Variants in CAMTA1 observed in about 807,000 individuals in gnomAD.
CAMTA1 encodes calmodulin-binding transcription activator 1.
Under a neutral mutation model 170.9 loss-of-function variants are expected in CAMTA1, and 27 were observed. The observed-to-expected ratio is 0.16, with a 90% confidence interval of 0.12 to 0.22. The LOEUF (loss-of-function observed/expected upper bound fraction) is 0.22, where lower values mean the gene tolerates loss of function less well. Ranked by LOEUF, CAMTA1 falls within the 10% of genes least tolerant of loss-of-function variation. The pLI is 1.00. For missense variants in CAMTA1, 1,619 were observed against 2,217.2 expected, an observed-to-expected ratio of 0.73 and a Z score of 5.42; for synonymous variants, 833 against 891.5, an observed-to-expected ratio of 0.93 and a Z score of 1.17.
intron 5 of CAMTA1, among the ~76,000 whole-genome samples, chr1:7,437,493 T>C (rs761572116): frequency 7.2e-5 from 11 of 152,172 alleles, no homozygotes. Flanking sequence ...CTCCCTGCCG[T>C]GTAAGGACAC....
chr1:7,256,517 G>A (rs896899277), intron 5 of CAMTA1, among the ~76,000 whole-genome samples: 2 of 152,156 alleles, frequency 1.3e-5, no homozygotes, highest in African/African-American at 4.8e-5. Context: ...CTGAGATCGC[G>A]CCACTGCACT....
chr1:7,640,848 G>A (rs529648763), intron 7 of CAMTA1, among the ~76,000 whole-genome samples: 50 of 152,286 alleles, frequency 3.3e-4, no homozygotes, highest in Non-Finnish European at 6.9e-4. Context: ...GGCCAGGACC[G>A]GGTCTCCGGG....
In CAMTA1 at chr1:7,766,469, T is replaced by C. The variant is rs1340522382; in HGVS notation, c.5000T>C (p.Ile1667Thr). Residue 1667 changes from isoleucine to threonine, a missense_variant, in exon 23 of 23, where the codon ATT (isoleucine) becomes ACT (threonine). Around this residue, in one of 8 missense-constraint regions of CAMTA1, gnomAD observed 128 missense variants for 213.5 expected, o/e 0.60. Transcript: ENST00000303635. ...DHRLYKRSER[I>T]EKGQGT ...TTGTTTCTCTTCCAGAGTGAAAGAA[T>C]TGAAAAAGGCCAAGGAACTTGAAGA... The C allele has an allele frequency of 6.2e-7, 1 of 1,614,028 alleles. No individual in the cohort carries two copies. Among genetic ancestry groups the C allele is most frequent in the African/African-American group, 1.3e-5 (1 of 74,928 alleles).
intron 21 of CAMTA1, among the ~76,000 whole-genome samples, chr1:7,755,116 A>T (rs574965355): frequency 1.3e-5 from 2 of 152,208 alleles, no homozygotes; most frequent in South Asian, 4.1e-4. Flanking sequence ...ACTTGAGGTC[A>T]GGAGTTTGAG....
chr1:7,543,045 T>C (rs1215459839), intron 6 of CAMTA1, among the ~76,000 whole-genome samples: 1 of 152,104 alleles, frequency 6.6e-6, no homozygotes, highest in Non-Finnish European at 1.5e-5. Flanking sequence ...TTTTTGTATT[T>C]ATTAGTGGAG....
intron 3 of CAMTA1, among the ~76,000 whole-genome samples, chr1:7,004,812 G>C (rs974341169): frequency 6.6e-6 from 1 of 152,110 alleles, no homozygotes; most frequent in Non-Finnish European, 1.5e-5. Context: ...CTGTCACCCA[G>C]GCTAGAGTGC....
chr1:7,349,392 C>T (rs1441632060), intron 5 of CAMTA1, among the ~76,000 whole-genome samples: 1 of 152,232 alleles, frequency 6.6e-6, no homozygotes, highest in Non-Finnish European at 1.5e-5. Context: ...GGGAAACTCA[C>T]TCCCTGCACA....
intron 22 of CAMTA1, among the ~76,000 whole-genome samples, chr1:7,763,232 T>C (rs891595051): frequency 2.0e-5 from 3 of 152,234 alleles, no homozygotes; most frequent in Non-Finnish European, 4.4e-5. Context: ...AATTTAATAC[T>C]TTTTCTCTCT....
chr1:7,720,810 C>T (rs1040628046), intron 11 of CAMTA1, among the ~76,000 whole-genome samples: 5 of 152,194 alleles, frequency 3.3e-5, no homozygotes, highest in Admixed American at 6.5e-5. Flanking sequence ...ACTGTAGCTG[C>T]GTGGTTTCCT....
At chr1:7,177,565 T>C (rs1340094367) in intron 4 of CAMTA1, among the ~76,000 whole-genome samples, 5 of 119,500 alleles carry the variant, frequency 4.2e-5, no homozygotes, top group African/African-American at 1.7e-4. Flanking sequence ...TACTGAGACC[T>C]CCAGTGCATC....
intron 3 of CAMTA1, among the ~76,000 whole-genome samples, chr1:6,960,030 G>A (rs573217851): frequency 1.3e-5 from 2 of 152,326 alleles, no homozygotes; most frequent in African/African-American, 4.8e-5. Flanking sequence ...TGAGGAAATT[G>A]AGGCATGAGA....
At chr1:6,977,331 CT>C (rs376179701) in intron 3 of CAMTA1, among the ~76,000 whole-genome samples, 762 of 142,692 alleles carry the variant, frequency 5.3e-3, no homozygotes, top group Middle Eastern at 7.3e-3. Context: ...CTGGGCAAAG[CT>C]TTTTTTTTTT....
At chr1:6,982,805 G>T (rs1047040683) in intron 3 of CAMTA1, among the ~76,000 whole-genome samples, 1 of 142,954 alleles carries the variant, frequency 7.0e-6, no homozygotes, top group Non-Finnish European at 1.5e-5. Context: ...GGTGCTGGCC[G>T]TAGAGGGGTG....
In CAMTA1 at chr1:7,738,157, C is replaced by T. The variant is rs139225365; in HGVS notation, c.3857C>T (p.Thr1286Ile). 6.2e-7 allele frequency: 1 copy of T among 1,614,084 alleles called. No individual in the cohort carries two copies. The highest frequency in any genetic ancestry group is 8.5e-7 in the Non-Finnish European group (1 of 1,179,964). ...SPSSKQSVPE[T>I]LSPSEGVRDF... The stretch of plus-strand genomic sequence containing the variant: ...AGTTCTAAGCAGTCTGTCCCCGAGA[C>T]ACTCAGCCCCAGTGAAGGAGTGAGG... The change falls in exon 16 of 23, where the codon ACA (threonine) becomes ATA (isoleucine). Residue 1286 changes from threonine (T) to isoleucine (I), a missense_variant. Thr to Ile is a moderately conservative substitution (Grantham distance 89). This residue lies in a region of CAMTA1 where 370 missense variants were observed against 429.4 expected (regional missense o/e 0.86). Coordinates refer to ENST00000303635, the MANE Select transcript of CAMTA1 (RefSeq NM_015215.4). The surrounding 1 kb of genome is among the most constrained non-coding windows in gnomAD (Gnocchi z 4.9).
intron 4 of CAMTA1, among the ~76,000 whole-genome samples, chr1:7,123,748 C>T (rs1273921804): frequency 6.6e-6 from 1 of 152,166 alleles, no homozygotes; most frequent in Non-Finnish European, 1.5e-5. Flanking sequence ...CCTGTTGTCA[C>T]CCCCACAGCC....
At chr1:7,741,267 C>G (rs1438063713) in intron 16 of CAMTA1, among the ~76,000 whole-genome samples, 2 of 151,878 alleles carry the variant, frequency 1.3e-5, no homozygotes, top group African/African-American at 2.4e-5. Flanking sequence ...CTGAAATATG[C>G]TAGTTAGAAA....
intron 4 of CAMTA1, among the ~76,000 whole-genome samples, chr1:7,123,270 G>C (rs570468614): frequency 2.2e-4 from 33 of 152,218 alleles, no homozygotes; most frequent in African/African-American, 7.7e-4. Flanking sequence ...TGGCCTGTCG[G>C]TGGCTGTCTC....
chr1:7,172,130 G>A (rs956299250), intron 4 of CAMTA1, among the ~76,000 whole-genome samples: 1 of 152,090 alleles, frequency 6.6e-6, no homozygotes, highest in African/African-American at 2.4e-5. Flanking sequence ...GAATCAAGTG[G>A]AGGTGGAGAT....
chr1:7,308,064 T>G (rs1420162097), intron 5 of CAMTA1, among the ~76,000 whole-genome samples: 1 of 151,998 alleles, frequency 6.6e-6, no homozygotes. Flanking sequence ...TGTTGTTGTT[T>G]TTTTTTAAAT....
Sources: gnomAD v4.1 joint callset for allele counts (sites outside exome capture counted in the v4.1 genomes callset) on GRCh38, gnomAD v4.1.1 for gene constraint, gnomAD v4.1.1 regional missense constraint, Gnocchi (gnomAD v3.1) non-coding constraint, MANE v1.5 for transcripts, NCBI Gene and HGNC (gene_info 2026-07-23, HGNC 2026-07-21) for gene names.